The following ZNF43 variants were observed in gnomAD, a reference collection of about 807,000 sequenced individuals.
ZNF43 encodes zinc finger protein 43.
In ZNF43, 44 loss-of-function variants were observed where a neutral mutation model predicts 68.4. The observed-to-expected ratio is 0.64, with a 90% CI of 0.51 to 0.83. ZNF43 has a LOEUF of 0.83. Among genes scored for constraint, ZNF43 ranks in the 40% least tolerant of loss-of-function variants. ZNF43 has a pLI of 0.00. For synonymous variants in ZNF43, 308 were observed against 307.8 expected (o/e 1.00, Z -0.01); for missense variants, 896 against 933.2 (o/e 0.96, Z 0.52).
chr19:21,832,836 G>A (rs756382702), intron 1 of ZNF43, among the ~76,000 whole-genome samples: 1 of 152,086 alleles, frequency 6.6e-6, no homozygotes, highest in Non-Finnish European at 1.5e-5. Context: ...CTGCACTCTA[G>A]TGGGGCAACA....
intron 1 of ZNF43, among the ~76,000 whole-genome samples, chr19:21,843,606 T>C (rs1967693093): frequency 6.6e-6 from 1 of 152,074 alleles, no homozygotes; most frequent in African/African-American, 2.4e-5. Flanking sequence ...CTGGCCAACA[T>C]GGCAAAATCT....
rs770254802 is a variant in ZNF43 at position 21,807,778 on chromosome 19, C to A, written c.2259G>T (p.Lys753Asn). 63 of 1,612,996 alleles carry A rather than the reference C, an allele frequency of 3.9e-5. No homozygotes were observed. Among genetic ancestry groups the A allele is most frequent in the Non-Finnish European group, 4.7e-5 (55 of 1,179,610 alleles). ...AGGGTTGCTCTTTAGTATGAATTCTCTTATGTGTATTAAGGTGTGAGGAAT... is the reference window on the plus strand; with the variant it reads ...AGGGTTGCTCTTTAGTATGAATTCTATTATGTGTATTAAGGTGTGAGGAAT... ...FNYSSHLNTH[K>N]RIHTKEQPYK... Residue 753 changes from lysine to asparagine, a missense_variant, in exon 4 of 4, where the codon AAG becomes AAT. Physicochemically the swap from Lys to Asn is moderately conservative, Grantham distance 94. Coordinates refer to ENST00000354959, the MANE Select transcript of ZNF43 (RefSeq NM_003423.4).
At chr19:21,818,839 A>G (rs551601989) in intron 2 of ZNF43, among the ~76,000 whole-genome samples, 1 of 152,350 alleles carries the variant, frequency 6.6e-6, no homozygotes, top group East Asian at 1.9e-4. Flanking sequence ...TGTGGGCAAC[A>G]GTATTTTATG....
Position 21,836,060 on chromosome 19 carries a change from T to C in ZNF43, c.-22A>G. 6.2e-7 allele frequency: 1 copy of C among 1,613,888 alleles called. No homozygotes were observed. The highest frequency in any genetic ancestry group is 8.5e-7 in the Non-Finnish European group (1 of 1,179,794). ...CCATTTCTAGGCTTCCGGGGGGTCC[T>C]GGCGTCTTAGCTGTGGATCCCCCAA... is the stretch of plus-strand genomic sequence containing the variant. On this transcript the variant is annotated 5_prime_UTR_variant, in exon 1 of 4. Transcript: ENST00000354959.
At chr19:21,814,977 C>G (rs958714996) in intron 3 of ZNF43, among the ~76,000 whole-genome samples, 1 of 151,742 alleles carries the variant, frequency 6.6e-6, no homozygotes, top group African/African-American at 2.4e-5. Flanking sequence ...CACCTGAGGT[C>G]AGAAATTCAA....
chr19:21,811,100 C>T (rs2037249695), intron 3 of ZNF43, among the ~76,000 whole-genome samples: 1 of 152,176 alleles, frequency 6.6e-6, no homozygotes, highest in African/African-American at 2.4e-5. Flanking sequence ...TATTCTTGCT[C>T]AAGGACCGAA....
chr19:21,841,275 T>A (rs1967513927), intron 1 of ZNF43: 1 of 152,048 alleles, frequency 6.6e-6, no homozygotes, highest in Non-Finnish European at 1.5e-5. Context: ...AACCTGTGAG[T>A]AGAAAGTAAA....
intron 1 of ZNF43, 100 bp from the exon 2 acceptor site, chr19:21,819,321 G>C (rs1401300649): frequency 7.4e-7 from 1 of 1,357,936 alleles, no homozygotes; most frequent in Non-Finnish European, 9.9e-7. Flanking sequence ...AGAGTAAAGA[G>C]AACAGGTACT....
intron 1 of ZNF43, among the ~76,000 whole-genome samples, chr19:21,844,434 G>C (rs888833297): frequency 6.7e-6 from 1 of 150,360 alleles, no homozygotes; most frequent in Non-Finnish European, 1.5e-5. Flanking sequence ...TGCCACCTGA[G>C]AGCTTTTTAT....
At chr19:21,851,056 T>C (rs1461172302) in intron 1 of ZNF43, 4 of 152,296 alleles carry the variant, frequency 2.6e-5, no homozygotes, top group African/African-American at 9.6e-5. Context: ...ATCTCAATGG[T>C]TGACGGTATT....
chr19:21,815,486 C>CATATATATATAT (rs58951070), intron 3 of ZNF43, among the ~76,000 whole-genome samples: 130 of 139,550 alleles, frequency 9.3e-4, no homozygotes, highest in African/African-American at 3.3e-3. Context: ...AACTAAATTA[C>CATATATATATAT]ATATATATAT....
In ZNF43 at chr19:21,804,971, G is replaced by T. The variant is rs899706599; in HGVS notation, c.*2636C>A. 6.6e-6 allele frequency: 1 copy of T among 152,174 alleles called. No homozygotes were observed. Among genetic ancestry groups the T allele is most frequent in the Non-Finnish European group, 1.5e-5 (1 of 68,010 alleles). 9.4% of individuals were successfully genotyped at this position (152,174 alleles called of 1,614,324 possible). ...TTTATTCATGACTCAGGAATGTATGGACTTTATTTATACTTCTATATAATT... is the reference window on the plus strand; with the variant it reads ...TTTATTCATGACTCAGGAATGTATGTACTTTATTTATACTTCTATATAATT... On this transcript the variant is annotated 3_prime_UTR_variant, in exon 4 of 4. Transcript: ENST00000354959.
chr19:21,845,765 T>C (rs1355578716), intron 1 of ZNF43, among the ~76,000 whole-genome samples: 2 of 151,802 alleles, frequency 1.3e-5, no homozygotes, highest in African/African-American at 4.8e-5. Flanking sequence ...TGGTGGTGCA[T>C]GCCTGTGATC....
rs754740668 is a variant in ZNF43 at position 21,809,036 on chromosome 19, C to A, written c.1001G>T (p.Arg334Ile). The change falls in exon 4 of 4, where the codon AGA (arginine) becomes ATA (isoleucine). Residue 334 changes from arginine (R) to isoleucine (I), a missense_variant. By Grantham distance (97) the Arg-to-Ile change is moderately conservative. Coordinates refer to ENST00000354959, the MANE Select transcript of ZNF43 (RefSeq NM_003423.4). ...GTAGGGTTTCTCTCCAGTATGAATT[C>A]TCTTATGTTTAGTAAGAGTTGAGGG... ...NWPSTLTKHK[R>I]IHTGEKPYTC... 1.9e-5 allele frequency: 31 copies of A among 1,611,604 alleles called. No individual in the cohort carries two copies. In the Admixed American group the frequency reaches 5.0e-4, roughly 26 times the overall value.
upstream of ZNF43, chr19:21,836,235 G>T: frequency 7.1e-7 from 1 of 1,409,228 alleles, no homozygotes; most frequent in Non-Finnish European, 9.3e-7. Context: ...CCCCGTGCCT[G>T]ATTGGACGGT....
At chr19:21,835,464 T>C (rs1483794901) in intron 1 of ZNF43, among the ~76,000 whole-genome samples, 1 of 149,422 alleles carries the variant, frequency 6.7e-6, no homozygotes, top group Non-Finnish European at 1.5e-5. Flanking sequence ...TTCAAGCGAT[T>C]TTCCTGTCTC....
chr19:21,829,340 T>C (rs915680613), intron 1 of ZNF43, among the ~76,000 whole-genome samples: 2 of 152,158 alleles, frequency 1.3e-5, no homozygotes, highest in East Asian at 1.9e-4. Flanking sequence ...CCTGCAAATA[T>C]TAGATTACCT....
intron 1 of ZNF43, among the ~76,000 whole-genome samples, chr19:21,834,530 G>A (rs1056440356): frequency 3.9e-5 from 6 of 151,966 alleles, no homozygotes; most frequent in African/African-American, 1.5e-4. Context: ...AGGCCAAGGC[G>A]GGTGGATCAC....
chr19:21,835,365 T>C (rs2038661677), intron 1 of ZNF43, among the ~76,000 whole-genome samples: 1 of 148,260 alleles, frequency 6.7e-6, no homozygotes, highest in Non-Finnish European at 1.5e-5. Context: ...GTTTTTTTTT[T>C]TTTTTTTTTC....
Sources: gnomAD v4.1 joint callset for allele counts (sites outside exome capture counted in the v4.1 genomes callset) on GRCh38, gnomAD v4.1.1 for gene constraint, MANE v1.5 for transcripts, NCBI Gene and HGNC (gene_info 2026-07-23, HGNC 2026-07-21) for gene names.